The following ISM1 variants were observed in gnomAD, a reference collection of about 807,000 sequenced individuals.
ISM1 encodes isthmin 1.
A neutral mutation model predicts 46.3 loss-of-function variants in ISM1; 25 were observed. That is an observed-to-expected ratio of 0.54 (90% CI 0.39 to 0.75). The LOEUF (loss-of-function observed/expected upper bound fraction) is 0.75. ISM1 is among the 30% of genes least tolerant of loss of function. The probability of loss-of-function intolerance (pLI) is 0.00; values close to 1 mark genes in which losing one functional copy is unlikely to be tolerated. For synonymous variants in ISM1, 255 were observed against 256.7 expected (o/e 0.99, Z 0.06); for missense variants, 536 against 625.4 (o/e 0.86, Z 1.52).
At chr20:13,306,564 C>CAAAAAAAAAAAAAAAAAAAA in the ISM1 span, among the ~76,000 whole-genome samples, 16 of 63,908 alleles carry the variant, frequency 2.5e-4, no homozygotes, top group East Asian at 5.3e-4. Context: ...GGAGAAAGGA[C>CAAAAAAAAAAAAAAAAAAAA]AAAAAAAAAA....
chr20:13,303,471 C>T (rs2040475475), downstream of ISM1, among the ~76,000 whole-genome samples: 1 of 152,226 alleles, frequency 6.6e-6, no homozygotes, highest in African/African-American at 2.4e-5. Flanking sequence ...CTGCTTTTCC[C>T]ACCACACATA....
intron 2 of ISM1, among the ~76,000 whole-genome samples, chr20:13,274,731 C>T (rs1201441623): frequency 6.7e-6 from 1 of 149,884 alleles, no homozygotes; most frequent in Non-Finnish European, 1.5e-5. Flanking sequence ...CTTCTAAAAG[C>T]CCCAACACCT....
At chr20:13,275,946 C>A (rs1488157281) in intron 2 of ISM1, among the ~76,000 whole-genome samples, 1 of 152,174 alleles carries the variant, frequency 6.6e-6, no homozygotes, top group Non-Finnish European at 1.5e-5. Context: ...GACAGTAATG[C>A]CTAGATTGGC....
the ISM1 span, among the ~76,000 whole-genome samples, chr20:13,313,431 C>CA: frequency 1.3e-5 from 2 of 152,170 alleles, no homozygotes; most frequent in African/African-American, 4.8e-5. Context: ...AAACCCTGTT[C>CA]AAATAAGGTA....
chr20:13,253,686 G>T (rs1310830135), intron 1 of ISM1, among the ~76,000 whole-genome samples: 1 of 151,982 alleles, frequency 6.6e-6, no homozygotes, highest in Non-Finnish European at 1.5e-5. Context: ...CACATTTCCA[G>T]GCGATTCCAA....
chr20:13,228,733 C>G (rs1052066210), intron 1 of ISM1, among the ~76,000 whole-genome samples: 24 of 152,102 alleles, frequency 1.6e-4, no homozygotes, highest in African/African-American at 5.6e-4. Context: ...TTTGGTATTT[C>G]CAATATCCCT....
At chr20:13,323,296 AAAGG>A in the ISM1 span, among the ~76,000 whole-genome samples, 1 of 152,198 alleles carries the variant, frequency 6.6e-6, no homozygotes, top group Non-Finnish European at 1.5e-5. Flanking sequence ...GGACTGGTCC[AAAGG>A]AAGGGAGGTC....
chr20:13,311,352 C>A, the ISM1 span, among the ~76,000 whole-genome samples: 3 of 152,100 alleles, frequency 2.0e-5, no homozygotes. Flanking sequence ...TAAATTGCTA[C>A]AGCCATTATG....
Position 13,299,201 on chromosome 20 carries a change from G to A in ISM1, c.1137G>A (p.Thr379=). The change falls in exon 6 of 6, where the codon ACG becomes ACA. Residue 379 remains threonine, a synonymous_variant. Transcript: ENST00000262487. This position sits in a 1 kb window ranked among gnomAD's most constrained non-coding sequence, Gnocchi z 5.8. ...CCATGCTGTCCCTGGAGAGCACCAC[G>A]CTGGCGGCACAGCACTGCTGCTACG... The part of the protein sequence containing the change: ...IRSMLSLEST[T]LAAQHCCYGD... 1.9e-6 allele frequency: 3 copies of A among 1,603,198 alleles called. No homozygotes were observed. Among genetic ancestry groups the A allele is most frequent in the East Asian group, 2.3e-5 (1 of 44,264 alleles).
chr20:13,222,195 G>A (rs1231210198), intron 1 of ISM1, among the ~76,000 whole-genome samples: 3 of 152,156 alleles, frequency 2.0e-5, no homozygotes, highest in Admixed American at 2.0e-4. Flanking sequence ...GGGAAGGAGC[G>A]AGGTTTGGGA....
chr20:13,293,207 CA>C (rs397865981), intron 5 of ISM1, among the ~76,000 whole-genome samples: 10,433 of 87,368 alleles, frequency 0.12, 489 homozygotes, highest in African/African-American at 0.24. Context: ...GACTCCGTCT[CA>C]AAAAAAAAAA....
At chr20:13,293,056 T>C (rs1011050907) in intron 5 of ISM1, among the ~76,000 whole-genome samples, 2 of 151,620 alleles carry the variant, frequency 1.3e-5, no homozygotes, top group Admixed American at 1.3e-4. Flanking sequence ...AAAAATTAGC[T>C]GGGCATGGTG....
At chr20:13,273,855 A>G (rs1049802514) in intron 2 of ISM1, among the ~76,000 whole-genome samples, 3 of 152,146 alleles carry the variant, frequency 2.0e-5, no homozygotes, top group Non-Finnish European at 2.9e-5. Context: ...ATTTTCTGTG[A>G]GCAATACAGA....
chr20:13,258,084 T>C (rs1314120656), intron 1 of ISM1, among the ~76,000 whole-genome samples: 1 of 152,088 alleles, frequency 6.6e-6, no homozygotes, highest in African/African-American at 2.4e-5. Flanking sequence ...GAACGGGTGG[T>C]ATTATAGCTG....
intron 2 of ISM1, among the ~76,000 whole-genome samples, chr20:13,278,930 T>C (rs1169395904): frequency 6.6e-6 from 1 of 152,210 alleles, no homozygotes. Flanking sequence ...TAAGCTTCCT[T>C]ACATAGCGGT....
At position 13,221,668 on chromosome 20, in the gene ISM1, G is replaced by A. The variant is rs113569834; in HGVS notation, c.-109G>A. The A allele has an allele frequency of 2.0e-6, 2 of 982,134 alleles. No homozygotes were observed. Among genetic ancestry groups the A allele is most frequent in the African/African-American group, 1.7e-5 (1 of 57,946 alleles). 60.8% of individuals were successfully genotyped at this position (982,134 alleles called of 1,614,324 possible). A position where few individuals can be genotyped will look rare whatever the true frequency, so the allele number is the denominator to read the frequency against. On this transcript the variant is annotated 5_prime_UTR_variant, in exon 1 of 6. Transcript: ENST00000262487. ...GAAGCGGAGCCCTGGCGGGAGCCGA[G>A]GCGGGAGCCGCGCTGCCGGGCTCCC...
chr20:13,263,249 T>C (rs1003880801), intron 1 of ISM1, among the ~76,000 whole-genome samples: 4 of 152,156 alleles, frequency 2.6e-5, no homozygotes, highest in Admixed American at 2.0e-4. Context: ...GTCAGCCTTG[T>C]CATCTGTGTC....
At chr20:13,237,164 A>G (rs2039660812) in intron 1 of ISM1, among the ~76,000 whole-genome samples, 1 of 152,328 alleles carries the variant, frequency 6.6e-6, no homozygotes, top group Non-Finnish European at 1.5e-5. Flanking sequence ...ATTCTGGGAG[A>G]TACAATTCAA....
intron 1 of ISM1, among the ~76,000 whole-genome samples, chr20:13,236,830 A>G (rs2039655354): frequency 6.6e-6 from 1 of 152,232 alleles, no homozygotes; most frequent in Admixed American, 6.5e-5. Context: ...GGTGACACTG[A>G]TGCAAGAGGT....
Sources: gnomAD v4.1 joint callset for allele counts (sites outside exome capture counted in the v4.1 genomes callset) on GRCh38, gnomAD v4.1.1 for gene constraint, Gnocchi (gnomAD v3.1) non-coding constraint, MANE v1.5 for transcripts, NCBI Gene and HGNC (gene_info 2026-07-23, HGNC 2026-07-21) for gene names.